The following MAF variants were observed in gnomAD, a reference collection of about 807,000 sequenced individuals.
The protein encoded by MAF is transcription factor Maf.
MAF carries 10 observed loss-of-function variants against 22.0 expected under a neutral mutation model. The observed-to-expected ratio is 0.45, with a 90% confidence interval of 0.28 to 0.77. MAF has a LOEUF of 0.77. Among genes scored for constraint, MAF ranks in the 30% least tolerant of loss-of-function variants. The probability of loss-of-function intolerance (pLI) is 0.12; values close to 1 mark genes in which losing one functional copy is unlikely to be tolerated. For synonymous variants in MAF, 337 were observed against 255.8 expected, an observed-to-expected ratio of 1.32 and a Z score of -3.03; for missense variants, 544 against 548.4, an observed-to-expected ratio of 0.99 and a Z score of 0.08.
At chr16:79,317,996 T>C in the MAF span, among the ~76,000 whole-genome samples, 1 of 152,220 alleles carries the variant, frequency 6.6e-6, no homozygotes, top group Non-Finnish European at 1.5e-5. Flanking sequence ...TCCTGGAACA[T>C]AACAGTGTCA....
chr16:79,489,448 T>G, the MAF span, among the ~76,000 whole-genome samples: 16 of 152,276 alleles, frequency 1.1e-4, no homozygotes, highest in East Asian at 1.7e-3. Context: ...GTAAGAGGAG[T>G]TGATTCCCTG....
chr16:79,322,922 G>A, the MAF span, among the ~76,000 whole-genome samples: 4 of 151,826 alleles, frequency 2.6e-5, no homozygotes, highest in Admixed American at 1.3e-4. Context: ...AGGCCGAGGT[G>A]AACAGATCAT....
chr16:79,375,478 A>G, the MAF span, among the ~76,000 whole-genome samples: 1 of 152,178 alleles, frequency 6.6e-6, no homozygotes, highest in African/African-American at 2.4e-5. Flanking sequence ...GGTGGTGATG[A>G]AGATGATGAA....
the MAF span, chr16:79,206,157 G>T: frequency 2.6e-5 from 4 of 152,184 alleles, no homozygotes; most frequent in East Asian, 1.9e-4. Context: ...AACATTTCTC[G>T]GGTGAACACA....
At chr16:79,420,739 A>G in the MAF span, among the ~76,000 whole-genome samples, 1 of 152,208 alleles carries the variant, frequency 6.6e-6, no homozygotes, top group Non-Finnish European at 1.5e-5. Context: ...GTACAATAAG[A>G]TATTTTGAGG....
chr16:79,553,432 T>C, the MAF span, among the ~76,000 whole-genome samples: 1 of 152,230 alleles, frequency 6.6e-6, no homozygotes, highest in Non-Finnish European at 1.5e-5. Flanking sequence ...ATGCCTCTCC[T>C]GTTACAGATG....
the MAF span, among the ~76,000 whole-genome samples, chr16:79,249,525 A>T: frequency 6.6e-6 from 1 of 152,086 alleles, no homozygotes; most frequent in Non-Finnish European, 1.5e-5. Context: ...ACCAGACACC[A>T]AATCTGCTGC....
chr16:79,529,275 C>T, the MAF span, among the ~76,000 whole-genome samples: 1 of 152,146 alleles, frequency 6.6e-6, no homozygotes, highest in Non-Finnish European at 1.5e-5. Flanking sequence ...ACTTTGGAGT[C>T]AGATGGATCC....
At chr16:79,283,843 A>G in the MAF span, among the ~76,000 whole-genome samples, 1 of 152,064 alleles carries the variant, frequency 6.6e-6, no homozygotes, top group Non-Finnish European at 1.5e-5. Flanking sequence ...ACTTTCACCA[A>G]GCTGCTTGGC....
the MAF span, among the ~76,000 whole-genome samples, chr16:79,414,145 C>T: frequency 6.6e-6 from 1 of 152,174 alleles, no homozygotes; most frequent in African/African-American, 2.4e-5. Context: ...ATTGGCTGAG[C>T]TCTTGTTCTT....
the MAF span, among the ~76,000 whole-genome samples, chr16:79,334,102 G>A: frequency 1.3e-5 from 2 of 152,234 alleles, no homozygotes; most frequent in Admixed American, 6.5e-5. Flanking sequence ...TGCAGCACAT[G>A]CTCAAGAGAA....
the MAF span, among the ~76,000 whole-genome samples, chr16:79,470,697 C>T: frequency 6.6e-6 from 1 of 152,156 alleles, no homozygotes; most frequent in Non-Finnish European, 1.5e-5. Context: ...GCTTCATGTA[C>T]TACAGGAAAG....
the MAF span, among the ~76,000 whole-genome samples, chr16:79,477,145 T>C: frequency 6.6e-6 from 1 of 152,108 alleles, no homozygotes; most frequent in Non-Finnish European, 1.5e-5. Context: ...ACTGATACAA[T>C]TACGTTAATT....
the MAF span, among the ~76,000 whole-genome samples, chr16:79,539,051 G>A: frequency 1.3e-5 from 2 of 152,088 alleles, no homozygotes; most frequent in African/African-American, 4.8e-5. Context: ...AGACAAAGAT[G>A]AATACAAAGA....
At chr16:79,290,330 A>G in the MAF span, among the ~76,000 whole-genome samples, 29,257 of 152,082 alleles carry the variant, frequency 0.19, 3,346 homozygotes, top group East Asian at 0.54. Context: ...TTTCCCATAA[A>G]TCATACGGGC....
At chr16:79,385,038 C>G in the MAF span, among the ~76,000 whole-genome samples, 2 of 152,322 alleles carry the variant, frequency 1.3e-5, no homozygotes, top group East Asian at 1.9e-4. Context: ...CTTCTGAGAA[C>G]AGCTATAGCC....
the MAF span, among the ~76,000 whole-genome samples, chr16:79,520,063 G>T: frequency 2.0e-5 from 3 of 152,212 alleles, no homozygotes; most frequent in African/African-American, 7.2e-5. Flanking sequence ...GGGTCAAAAG[G>T]TTCGCATAGG....
At chr16:79,447,233 T>C in the MAF span, among the ~76,000 whole-genome samples, 1 of 151,774 alleles carries the variant, frequency 6.6e-6, no homozygotes, top group Non-Finnish European at 1.5e-5. Flanking sequence ...CTATTTTGCC[T>C]AGGTGCTGTA....
At chr16:79,598,565 C>T (rs1370644913) in intron 1 of MAF, 4 of 1,428,238 alleles carry the variant, frequency 2.8e-6, no homozygotes, top group African/African-American at 1.5e-5. Flanking sequence ...CCACCACAAA[C>T]TCGAGCAGGG....
Sources: gnomAD v4.1 joint callset for allele counts (sites outside exome capture counted in the v4.1 genomes callset) on GRCh38, gnomAD v4.1.1 for gene constraint, MANE v1.5 for transcripts, NCBI Gene and HGNC (gene_info 2026-07-23, HGNC 2026-07-21) for gene names.